Variants in SMURF1 observed in about 807,000 individuals in gnomAD.
SMURF1 encodes the protein E3 ubiquitin-protein ligase SMURF1.
In SMURF1, 44 loss-of-function variants were observed where a neutral mutation model predicts 98.0. That is an observed-to-expected ratio of 0.45 (90% CI 0.35 to 0.58). The LOEUF (loss-of-function observed/expected upper bound fraction) is 0.58. Ranked by LOEUF, SMURF1 falls within the 20% of genes least tolerant of loss-of-function variation. The pLI is 0.00. For synonymous variants in SMURF1, 396 were observed against 374.9 expected, an observed-to-expected ratio of 1.06 and a Z score of -0.65; for missense variants, 687 against 938.4, an observed-to-expected ratio of 0.73 and a Z score of 3.50.
At chr7:99,127,436 A>G (rs377675380) in intron 1 of SMURF1, among the ~76,000 whole-genome samples, 3 of 152,178 alleles carry the variant, frequency 2.0e-5, no homozygotes, top group African/African-American at 7.2e-5. Context: ...TCACGGCTGT[A>G]ATCCTAGCAG....
At chr7:99,063,255 A>ATATATATATAAGATT (rs1796091621) in intron 1 of SMURF1, among the ~76,000 whole-genome samples, 3 of 4,574 alleles carry the variant, frequency 6.6e-4, no homozygotes, top group Non-Finnish European at 1.5e-3. Context: ...ATATATATAT[A>ATATATATATAAGATT]TATATATATA....
chr7:99,088,530 A>G (rs1796733314), intron 1 of SMURF1, among the ~76,000 whole-genome samples: 1 of 151,832 alleles, frequency 6.6e-6, no homozygotes, highest in South Asian at 2.1e-4. Context: ...ACAGATTTCA[A>G]ACTCACTAAA....
rs1343910454 is a variant in SMURF1, at chr7:99,095,377, G to C, written c.56-33540C>G. Among the ~76,000 whole-genome samples, 5 of 152,268 alleles carry C rather than the reference G, an allele frequency of 3.3e-5. No individual in the cohort carries two copies. The East Asian group carries it at 9.6e-4, about 29-fold the overall frequency. On this transcript the variant is annotated intron_variant, in intron 1 of 17. Transcript: ENST00000361368. ...TTACAGGCGTGAGCCACCGCAGGCG[G>C]ACTGTTTTTTTGTATATTTTAGTAT...
intron 1 of SMURF1, among the ~76,000 whole-genome samples, chr7:99,097,983 A>C (rs1256814767): frequency 6.6e-6 from 1 of 151,972 alleles, no homozygotes; most frequent in Non-Finnish European, 1.5e-5. Context: ...TTTAAGAATC[A>C]AGAGAAAAAT....
chr7:99,087,591 T>C (rs2071052635), intron 1 of SMURF1, among the ~76,000 whole-genome samples: 1 of 152,108 alleles, frequency 6.6e-6, no homozygotes, highest in African/African-American at 2.4e-5. Flanking sequence ...GTATAAAAGG[T>C]AGTGTCTGGG....
intron 15 of SMURF1, chr7:99,036,046 C>T (rs1228482012): frequency 2.7e-6 from 1 of 367,626 alleles, no homozygotes; most frequent in African/African-American, 2.1e-5. Flanking sequence ...CAGAGCTAAC[C>T]ATGAATAACG....
intron 1 of SMURF1, among the ~76,000 whole-genome samples, chr7:99,076,837 GT>G (rs1796471929): frequency 6.6e-6 from 1 of 151,638 alleles, no homozygotes; most frequent in Non-Finnish European, 1.5e-5. Flanking sequence ...GTGTGCCCAT[GT>G]GTATGTGTGT....
chr7:99,140,298 T>TG (rs1460803939), intron 1 of SMURF1, among the ~76,000 whole-genome samples: 1 of 145,392 alleles, frequency 6.9e-6, no homozygotes, highest in East Asian at 2.0e-4. Flanking sequence ...TTTTTTTTTT[T>TG]TTTTTTGAGA....
intron 1 of SMURF1, among the ~76,000 whole-genome samples, chr7:99,065,475 C>A (rs1238569396): frequency 2.0e-5 from 3 of 152,104 alleles, no homozygotes; most frequent in African/African-American, 7.2e-5. Flanking sequence ...TGAATGGAAT[C>A]CTTCCTTTTG....
At chr7:99,054,907 T>C in intron 5 of SMURF1, 42 bp from the exon 6 acceptor site, 1 of 1,566,838 alleles carries the variant, frequency 6.4e-7, no homozygotes, top group Non-Finnish European at 8.8e-7. Flanking sequence ...CCCAGCGGGG[T>C]TTACATAATT....
chr7:99,060,308 G>A (rs1240129933), intron 3 of SMURF1, among the ~76,000 whole-genome samples: 1 of 150,796 alleles, frequency 6.6e-6, no homozygotes. Context: ...GTACCCGGGA[G>A]GCGGAGGTTG....
intron 1 of SMURF1, among the ~76,000 whole-genome samples, chr7:99,079,225 AC>A (rs1233034102): frequency 6.6e-6 from 1 of 152,160 alleles, no homozygotes; most frequent in East Asian, 1.9e-4. Context: ...GGCCATGCCC[AC>A]CCCCCAGTGG....
chr7:99,059,936 G>T (rs968383148), intron 3 of SMURF1, among the ~76,000 whole-genome samples: 2 of 151,834 alleles, frequency 1.3e-5, no homozygotes. Flanking sequence ...CATTTTTTAG[G>T]TAGAAACTAC....
At chr7:99,127,992 C>T (rs1461901906) in intron 1 of SMURF1, among the ~76,000 whole-genome samples, 2 of 152,138 alleles carry the variant, frequency 1.3e-5, no homozygotes, top group Admixed American at 6.5e-5. Flanking sequence ...ATTTTCTAAA[C>T]CAAAACTCCT....
At chr7:99,101,019 T>C (rs2150589890) in intron 1 of SMURF1, among the ~76,000 whole-genome samples, 1 of 152,338 alleles carries the variant, frequency 6.6e-6, no homozygotes, top group Non-Finnish European at 1.5e-5. Flanking sequence ...TTTAAATGCA[T>C]TCGATAAGTT....
chr7:99,087,339 T>C (rs907715274), intron 1 of SMURF1, among the ~76,000 whole-genome samples: 1 of 151,984 alleles, frequency 6.6e-6, no homozygotes, highest in African/African-American at 2.4e-5. Context: ...AAGCTATGAG[T>C]GCACCACTGC....
At chr7:99,080,290 T>TG (rs1409889496) in intron 1 of SMURF1, among the ~76,000 whole-genome samples, 1 of 151,206 alleles carries the variant, frequency 6.6e-6, no homozygotes. Context: ...CCTAGATAAG[T>TG]TTTTTGTTTT....
intron 1 of SMURF1, among the ~76,000 whole-genome samples, chr7:99,074,501 GAAT>G (rs574102597): frequency 7.2e-5 from 11 of 152,178 alleles, no homozygotes; most frequent in South Asian, 2.1e-4. Flanking sequence ...TATGAAAAAA[GAAT>G]AATAATAAGT....
At chr7:99,032,612 T>C (rs1335361853) in intron 17 of SMURF1, among the ~76,000 whole-genome samples, 2 of 152,210 alleles carry the variant, frequency 1.3e-5, no homozygotes, top group Non-Finnish European at 2.9e-5. Context: ...GAGGTTGCAG[T>C]GAGCCGAGAT....
Sources: allele counts gnomAD v4.1 joint callset (sites outside exome capture counted in the v4.1 genomes callset), GRCh38; gene constraint gnomAD v4.1.1; transcripts MANE v1.5; gene names NCBI Gene and HGNC (gene_info 2026-07-23, HGNC 2026-07-21).